WDFY1: variants seen among roughly 807,000 people sequenced by gnomAD.
The protein encoded by WDFY1 is WD repeat and FYVE domain-containing protein 1.
A neutral mutation model predicts 56.4 loss-of-function variants in WDFY1; 32 were observed. The observed-to-expected ratio is 0.57, with a 90% CI of 0.43 to 0.76. The LOEUF is 0.76. WDFY1 is among the 30% of genes least tolerant of loss of function. WDFY1 has a pLI of 0.00. For synonymous variants in WDFY1, 192 were observed against 197.3 expected (o/e 0.97, Z 0.23); for missense variants, 480 against 545.7 (o/e 0.88, Z 1.20).
intron 1 of WDFY1, among the ~76,000 whole-genome samples, chr2:223,943,860 C>G (rs1689355554): frequency 6.6e-6 from 1 of 152,204 alleles, no homozygotes; most frequent in Non-Finnish European, 1.5e-5. Flanking sequence ...CCACCAGCCT[C>G]GGCTTCCTCT....
chr2:223,902,750 C>A (rs1198712034), intron 4 of WDFY1, among the ~76,000 whole-genome samples: 2 of 150,016 alleles, frequency 1.3e-5, no homozygotes, highest in African/African-American at 2.4e-5. Flanking sequence ...AACTGAAATG[C>A]AAATATTATT....
chr2:223,880,251 T>A lies in WDFY1; in HGVS notation c.1065-19A>T. 2 of 1,611,110 alleles carry A rather than the reference T, an allele frequency of 1.2e-6. No individual in the cohort carries two copies. Among genetic ancestry groups the A allele is most frequent in the Non-Finnish European group, 1.7e-6 (2 of 1,177,632 alleles). ...AGTCCGACTAACAAGAGAAAAGAGA[T>A]CACTGAAAATTTACTTGACTGTACC... On this transcript the variant is annotated intron_variant, in intron 10 of 11. Coordinates refer to ENST00000233055, the MANE Select transcript of WDFY1 (RefSeq NM_020830.5).
intron 1 of WDFY1, among the ~76,000 whole-genome samples, chr2:223,931,845 C>G (rs1038072445): frequency 5.3e-5 from 8 of 152,020 alleles, no homozygotes; most frequent in Non-Finnish European, 1.2e-4. Flanking sequence ...ACTACCACAC[C>G]CAGCTAATTT....
intron 9 of WDFY1, among the ~76,000 whole-genome samples, chr2:223,883,135 T>C (rs765093342): frequency 6.6e-5 from 10 of 152,190 alleles, no homozygotes; most frequent in African/African-American, 1.7e-4. Context: ...CCCTTCCACA[T>C]TGGCCTCCCA....
intron 1 of WDFY1, among the ~76,000 whole-genome samples, chr2:223,922,852 A>G (rs1389462365): frequency 6.6e-6 from 1 of 152,214 alleles, no homozygotes; most frequent in African/African-American, 2.4e-5. Flanking sequence ...GAATACTTAA[A>G]CTAGCCCAAA....
chr2:223,905,574 C>T (rs1039875061), intron 4 of WDFY1, among the ~76,000 whole-genome samples: 3 of 152,044 alleles, frequency 2.0e-5, no homozygotes, highest in African/African-American at 7.3e-5. Flanking sequence ...CACACACACA[C>T]GTGTATATAC....
At chr2:223,904,829 A>G (rs1161763854) in intron 4 of WDFY1, among the ~76,000 whole-genome samples, 2 of 152,200 alleles carry the variant, frequency 1.3e-5, no homozygotes, top group Non-Finnish European at 2.9e-5. Context: ...AACTTAATCA[A>G]AATGCTTTAG....
Position 223,899,082 on chromosome 2 carries a change from C to T in WDFY1, c.486-12G>A, listed in dbSNP as rs1262362257. 1.2e-6 allele frequency: 2 copies of T among 1,608,446 alleles called. No homozygotes were observed. The highest frequency in any genetic ancestry group is 1.7e-6 in the Non-Finnish European group (2 of 1,174,880). On this transcript the variant is annotated splice_polypyrimidine_tract_variant and intron_variant, in intron 5 of 11. Transcript: ENST00000233055. ...TGTCAAAGTCATATCTGAGGAGAAG[C>T]AGTCAAGGATGTAGAACAGAAATCA... is the stretch of plus-strand genomic sequence containing the variant.
chr2:223,880,090 A>C, intron 11 of WDFY1, 34 bp downstream of exon 11: 2 of 1,577,448 alleles, frequency 1.3e-6, no homozygotes, highest in Non-Finnish European at 1.7e-6. Flanking sequence ...AGGCAATCTC[A>C]ACTGAGATGC....
At chr2:223,937,624 G>A (rs915714469) in intron 1 of WDFY1, among the ~76,000 whole-genome samples, 1 of 152,184 alleles carries the variant, frequency 6.6e-6, no homozygotes, top group Non-Finnish European at 1.5e-5. Flanking sequence ...ACAGGGCTGG[G>A]ATTCAAACTG....
chr2:223,895,642 T>TGAGA lies in WDFY1; in HGVS notation c.599-16_599-13dup, dbSNP rs150347314. 2.3e-5 allele frequency: 36 copies of TGAGA among 1,567,514 alleles called. No homozygotes were observed. The highest frequency in any genetic ancestry group is 1.7e-4 in the Middle Eastern group (1 of 5,940). ...GCAGGCGACACTACCTAGGGATTTG[T>TGAGA]GAGAGAGAGAGAGAGAGGGAGGCAG... On this transcript the variant is annotated splice_polypyrimidine_tract_variant and intron_variant, in intron 6 of 11. Coordinates refer to ENST00000233055, the MANE Select transcript of WDFY1 (RefSeq NM_020830.5).
intron 4 of WDFY1, among the ~76,000 whole-genome samples, chr2:223,903,896 G>A (rs1041885068): frequency 6.6e-6 from 1 of 152,054 alleles, no homozygotes; most frequent in Admixed American, 6.6e-5. Flanking sequence ...TAGGATTACA[G>A]GTGGGAGCTA....
intron 1 of WDFY1, among the ~76,000 whole-genome samples, chr2:223,927,923 GA>G (rs1279986293): frequency 6.6e-6 from 1 of 152,094 alleles, no homozygotes; most frequent in East Asian, 1.9e-4. Context: ...GGCCTGGGGG[GA>G]AAGGGGGAAA....
chr2:223,923,252 A>G (rs1471123862), intron 1 of WDFY1, among the ~76,000 whole-genome samples: 1 of 152,252 alleles, frequency 6.6e-6, no homozygotes, highest in Non-Finnish European at 1.5e-5. Context: ...CCTATTAAAC[A>G]GAGATGCTCA....
At chr2:223,926,105 C>T (rs992340540) in intron 1 of WDFY1, among the ~76,000 whole-genome samples, 1 of 152,148 alleles carries the variant, frequency 6.6e-6, no homozygotes, top group Non-Finnish European at 1.5e-5. Context: ...ACTTACTTTG[C>T]CCAGATCTAT....
intron 4 of WDFY1, among the ~76,000 whole-genome samples, chr2:223,904,584 G>C (rs1693566448): frequency 6.6e-6 from 1 of 152,074 alleles, no homozygotes; most frequent in Non-Finnish European, 1.5e-5. Context: ...TGGAACAGGT[G>C]AAACAATATG....
chr2:223,876,796 C>A lies in WDFY1; in HGVS notation c.*1875G>T, dbSNP rs1328204651. The A allele has an allele frequency of 1.3e-5, 2 of 152,156 alleles. No individual in the cohort carries two copies. Among genetic ancestry groups the A allele is most frequent in the African/African-American group, 4.8e-5 (2 of 41,432 alleles). 9.4% of individuals were successfully genotyped at this position (152,156 alleles called of 1,614,324 possible). A position where few individuals can be genotyped will look rare whatever the true frequency, so the allele number is the denominator to read the frequency against. ...CACAGTTCTGCACTCTTCCACAGGG[C>A]AAGGAATTGATCATATTCTATTTTC... is the stretch of plus-strand genomic sequence containing the variant. On this transcript the variant is annotated 3_prime_UTR_variant, in exon 12 of 12. Coordinates refer to ENST00000233055, the MANE Select transcript of WDFY1 (RefSeq NM_020830.5).
At chr2:223,906,681 A>T (rs1030155129) in intron 3 of WDFY1, among the ~76,000 whole-genome samples, 9 of 151,486 alleles carry the variant, frequency 5.9e-5, no homozygotes, top group African/African-American at 2.2e-4. Flanking sequence ...CACCACACCC[A>T]GCTAAATTTT....
intron 1 of WDFY1, among the ~76,000 whole-genome samples, chr2:223,930,502 T>C (rs1381254061): frequency 6.6e-6 from 1 of 152,230 alleles, no homozygotes; most frequent in Non-Finnish European, 1.5e-5. Context: ...GCTAAGTTTG[T>C]GTATTTTTAG....
Sources: allele counts gnomAD v4.1 joint callset (sites outside exome capture counted in the v4.1 genomes callset), GRCh38; gene constraint gnomAD v4.1.1; transcripts MANE v1.5; gene names NCBI Gene and HGNC (gene_info 2026-07-23, HGNC 2026-07-21).